DERA: variants seen among roughly 807,000 people sequenced by gnomAD.
The protein encoded by DERA is deoxyribose-phosphate aldolase.
In DERA, 15 loss-of-function variants were observed where a neutral mutation model predicts 41.1. That is an observed-to-expected ratio of 0.37 (90% CI 0.24 to 0.56). The LOEUF (loss-of-function observed/expected upper bound fraction) is 0.56, where lower values mean the gene tolerates loss of function less well. DERA is among the 20% of genes least tolerant of loss of function. The pLI, the probability that DERA is intolerant of heterozygous loss-of-function variation, is 0.81. For synonymous variants in DERA, 139 were observed against 137.4 expected (o/e 1.01, Z -0.08); for missense variants, 396 against 403.4 (o/e 0.98, Z 0.16).
At position 15,935,715 on chromosome 12, in the gene DERA, T is replaced by C. The variant is rs1948359687; in HGVS notation, c.32-21221T>C. Among the ~76,000 whole-genome samples, 1 of 152,240 alleles carries C rather than the reference T, an allele frequency of 6.6e-6. No individual in the cohort carries two copies. The highest frequency in any genetic ancestry group is 2.1e-4 in the South Asian group (1 of 4,834). ...AGGTTGCTACTAGAATCTTTTCATA[T>C]TGGTTTCTATATGTTGTTTGTTGTT... On this transcript the variant is annotated intron_variant, in intron 1 of 8. Coordinates refer to ENST00000428559, the MANE Select transcript of DERA (RefSeq NM_015954.4). This position sits in a 1 kb window ranked among gnomAD's most constrained non-coding sequence, Gnocchi z 4.8.
intron 6 of DERA, among the ~76,000 whole-genome samples, chr12:15,987,229 AC>A (rs1948770635): frequency 1.7e-5 from 2 of 114,494 alleles, no homozygotes; most frequent in Non-Finnish European, 3.7e-5. Context: ...ATATATATGT[AC>A]TTTTTTTTTT....
rs2136123428 is a variant in DERA, at chr12:15,918,962, G to C, written c.31+7548G>C. On this transcript the variant is annotated intron_variant, in intron 1 of 8. Transcript: ENST00000428559. This position sits in a 1 kb window ranked among gnomAD's most constrained non-coding sequence, Gnocchi z 4.3. ...TCTCATTATACTATAATGGCTAAGA[G>C]TAATGTTTTCATGAAGAAAGAAAAA... 6.6e-6 allele frequency among the ~76,000 whole-genome samples: 1 copy of C among 152,202 alleles called. No homozygotes were observed. Among genetic ancestry groups the C allele is most frequent in the East Asian group, 1.9e-4 (1 of 5,178 alleles).
At chr12:15,930,596 C>T (rs944160071) in intron 1 of DERA, among the ~76,000 whole-genome samples, 3 of 152,032 alleles carry the variant, frequency 2.0e-5, no homozygotes, top group African/African-American at 4.8e-5. Context: ...ACTTTTTTGT[C>T]GTTGCCAAAA....
Position 15,923,085 on chromosome 12 carries a change from C to T in DERA, c.31+11671C>T, listed in dbSNP as rs11056716. ...TCGCCCAGGCTGGAGTGCAGTGGCG[C>T]GATCTCGGCTCACTGCAAGCTCCGC... On this transcript the variant is annotated intron_variant, in intron 1 of 8. Coordinates refer to ENST00000428559, the MANE Select transcript of DERA (RefSeq NM_015954.4). Among the ~76,000 whole-genome samples, 5 of 139,616 alleles carry T rather than the reference C, an allele frequency of 3.6e-5. No individual in the cohort carries two copies. In the East Asian group the frequency reaches 1.0e-3, roughly 29 times the overall value. The allele number at this position is 139,616 out of a possible 152,430, so 91.6% of individuals were successfully genotyped here. A position where few individuals can be genotyped will look rare whatever the true frequency, so the allele number is the denominator to read the frequency against.
Position 16,011,042 on chromosome 12 carries a change from G to A in DERA, c.638-21500G>A, listed in dbSNP as rs1285521428. Among the ~76,000 whole-genome samples, 1 of 152,098 alleles carries A rather than the reference G, an allele frequency of 6.6e-6. No homozygotes were observed. The highest frequency in any genetic ancestry group is 2.4e-5 in the African/African-American group (1 of 41,408). On this transcript the variant is annotated intron_variant, in intron 6 of 8. Transcript: ENST00000428559. The surrounding 1 kb of genome is among the most constrained non-coding windows in gnomAD (Gnocchi z 4.7). ...CTAATTTTCTAGCTTGCTTTGTTCA[G>A]TAAAATGTATTTCTAAATCCATTTT...
intron 1 of DERA, among the ~76,000 whole-genome samples, chr12:15,914,861 C>T (rs185226885): frequency 5.9e-5 from 9 of 152,222 alleles, no homozygotes; most frequent in Non-Finnish European, 8.8e-5. Flanking sequence ...CTGCAACCTC[C>T]GTCTCCCAGG....
chr12:15,942,842 T>C (rs971509225), intron 1 of DERA, among the ~76,000 whole-genome samples: 1 of 152,230 alleles, frequency 6.6e-6, no homozygotes, highest in African/African-American at 2.4e-5. Flanking sequence ...CAAATGCATC[T>C]TGGTTTATTT....
rs1313610935 is a variant in DERA at position 16,026,945 on chromosome 12, A to T, written c.638-5597A>T. 1.3e-5 allele frequency among the ~76,000 whole-genome samples: 2 copies of T among 152,170 alleles called. No individual in the cohort carries two copies. Among genetic ancestry groups the T allele is most frequent in the Non-Finnish European group, 2.9e-5 (2 of 68,012 alleles). The stretch of plus-strand genomic sequence containing the variant: ...GCAAAATGAGTCCAACAATGTATAA[A>T]ACTAATTATATGCCACAACCAAGTG... On this transcript the variant is annotated intron_variant, in intron 6 of 8. Coordinates refer to ENST00000428559, the MANE Select transcript of DERA (RefSeq NM_015954.4). The surrounding 1 kb of genome is among the most constrained non-coding windows in gnomAD (Gnocchi z 4.4).
intron 6 of DERA, among the ~76,000 whole-genome samples, chr12:16,031,423 A>G (rs1469734202): frequency 6.6e-6 from 1 of 152,160 alleles, no homozygotes; most frequent in African/African-American, 2.4e-5. Flanking sequence ...TGTTTTAGGT[A>G]TGGTGCCACA....
At chr12:15,978,833 C>G (rs1484712950) in intron 5 of DERA, among the ~76,000 whole-genome samples, 1 of 152,182 alleles carries the variant, frequency 6.6e-6, no homozygotes, top group African/African-American at 2.4e-5. Flanking sequence ...CCACCAACAA[C>G]TTTGAAAACA....
At position 16,017,052 on chromosome 12, in the gene DERA, A is replaced by T. The variant is rs142105770; in HGVS notation, c.638-15490A>T. Among the ~76,000 whole-genome samples the T allele has an allele frequency of 0.013, 2,003 of 152,278 alleles. 154 individuals carry two copies. The highest frequency in any genetic ancestry group is 0.12 in the Admixed American group (1,836 of 15,298). ...GCATAATTATGCAGAATCTTCTCCT[A>T]GTCAGTAACCAAGGATTATACAGTC... is the stretch of plus-strand genomic sequence containing the variant. On this transcript the variant is annotated intron_variant, in intron 6 of 8. Transcript: ENST00000428559. This position sits in a 1 kb window ranked among gnomAD's most constrained non-coding sequence, Gnocchi z 5.5.
intron 1 of DERA, among the ~76,000 whole-genome samples, chr12:15,923,148 A>G (rs1396676165): frequency 5.6e-5 from 8 of 144,122 alleles, no homozygotes; most frequent in South Asian, 4.4e-4. Context: ...TCAGCCTCCC[A>G]AGTAGCTGGG....
rs1948567131 is a variant in DERA at position 15,959,526 on chromosome 12, G to A, written c.278-303G>A. 6.6e-6 allele frequency among the ~76,000 whole-genome samples: 1 copy of A among 152,046 alleles called. No individual in the cohort carries two copies. The highest frequency in any genetic ancestry group is 2.4e-5 in the African/African-American group (1 of 41,404). ...ATTTTGTTATCTACATGAAATATTT[G>A]CATTTAGTAATGATCACCAAATTTA... On this transcript the variant is annotated intron_variant, in intron 3 of 8. Coordinates refer to ENST00000428559, the MANE Select transcript of DERA (RefSeq NM_015954.4). This position sits in a 1 kb window ranked among gnomAD's most constrained non-coding sequence, Gnocchi z 4.5.
rs763621501 is a variant in DERA at position 15,911,744 on chromosome 12, C to A, written c.31+330C>A. On this transcript the variant is annotated intron_variant, in intron 1 of 8. Coordinates refer to ENST00000428559, the MANE Select transcript of DERA (RefSeq NM_015954.4). The surrounding 1 kb of genome is among the most constrained non-coding windows in gnomAD (Gnocchi z 4.5). ...AAAAACAAAACCCAAAACAAACAAC[C>A]CCCAAGCAGGTAAAAACAGATAAAA... 5.0e-6 allele frequency: 3 copies of A among 600,448 alleles called. No individual in the cohort carries two copies. The highest frequency in any genetic ancestry group is 9.4e-6 in the Non-Finnish European group (3 of 320,666). The allele number at this position is 600,448 out of a possible 1,614,324, so 37.2% of individuals were successfully genotyped here. A position where few individuals can be genotyped will look rare whatever the true frequency, so the allele number is the denominator to read the frequency against.
At chr12:16,006,704 A>G (rs1468377063) in intron 6 of DERA, among the ~76,000 whole-genome samples, 1 of 152,250 alleles carries the variant, frequency 6.6e-6, no homozygotes, top group Non-Finnish European at 1.5e-5. Context: ...ATGGAGTATG[A>G]GTGTCCACTC....
Position 15,992,582 on chromosome 12 carries a change from A to G in DERA, c.637+10146A>G, listed in dbSNP as rs1948809536. Among the ~76,000 whole-genome samples, 1 of 152,150 alleles carries G rather than the reference A, an allele frequency of 6.6e-6. No homozygotes were observed. The highest frequency in any genetic ancestry group is 1.5e-5 in the Non-Finnish European group (1 of 68,002). On this transcript the variant is annotated intron_variant, in intron 6 of 8. Transcript: ENST00000428559. This position sits in a 1 kb window ranked among gnomAD's most constrained non-coding sequence, Gnocchi z 4.3. ...CAAATACAGGAGGAACTAAAGTAGG[A>G]GCAAACAATTTGAAGGGAGTATAAT... is the stretch of plus-strand genomic sequence containing the variant.
intron 1 of DERA, among the ~76,000 whole-genome samples, chr12:15,953,935 T>C (rs1592016530): frequency 6.6e-6 from 1 of 152,214 alleles, no homozygotes; most frequent in South Asian, 2.1e-4. Context: ...TGTGGCTACA[T>C]TAAATATGGG....
At chr12:15,930,842 A>C (rs1812012314) in intron 1 of DERA, among the ~76,000 whole-genome samples, 2 of 152,152 alleles carry the variant, frequency 1.3e-5, no homozygotes, top group Non-Finnish European at 2.9e-5. Flanking sequence ...ATTCATGGTA[A>C]AGTATAAATG....
chr12:15,936,951 CTGT>C lies in DERA; in HGVS notation c.32-19984_32-19982del, dbSNP rs1948372252. Reference sequence around the variant, plus strand: ...CTGTCCTGTCTTGTCCTGTCCCGTCCTGTCCTGCCCTGCCCTGCCCTGTCTTGT... The same window carrying C: ...CTGTCCTGTCTTGTCCTGTCCCGTCCCCTGCCCTGCCCTGCCCTGTCTTGT... On this transcript the variant is annotated intron_variant, in intron 1 of 8. Transcript: ENST00000428559. The surrounding 1 kb of genome is among the most constrained non-coding windows in gnomAD (Gnocchi z 4.6). 4.2e-5 allele frequency among the ~76,000 whole-genome samples: 6 copies of C among 143,250 alleles called. No homozygotes were observed. The highest frequency in any genetic ancestry group is 1.7e-4 in the African/African-American group (6 of 35,866). 94.0% of individuals were successfully genotyped at this position (143,250 alleles called of 152,430 possible).
Sources: allele counts gnomAD v4.1 joint callset (sites outside exome capture counted in the v4.1 genomes callset), GRCh38; gene constraint gnomAD v4.1.1; non-coding constraint Gnocchi (gnomAD v3.1); transcripts MANE v1.5; gene names NCBI Gene and HGNC (gene_info 2026-07-23, HGNC 2026-07-21).